The following FTCDNL1 variants were observed in gnomAD, a reference collection of about 807,000 sequenced individuals.
FTCDNL1 encodes formiminotransferase cyclodeaminase N-terminal like.
In FTCDNL1, 11 loss-of-function variants were observed where a neutral mutation model predicts 5.9. The ratio of observed to expected loss-of-function variants is 1.87; its 90% confidence interval spans 1.18 to 3.10. The LOEUF (loss-of-function observed/expected upper bound fraction) is 3.10. FTCDNL1 is among the 30% of genes most tolerant of loss of function. The probability of loss-of-function intolerance (pLI) is 0.00; values close to 1 mark genes in which losing one functional copy is unlikely to be tolerated. For missense variants in FTCDNL1, 115 were observed against 65.5 expected, an observed-to-expected ratio of 1.76 and a Z score of -2.61; for synonymous variants, 58 against 24.8, an observed-to-expected ratio of 2.34 and a Z score of -3.99.
At chr2:199,686,913 T>C in the FTCDNL1 span, among the ~76,000 whole-genome samples, 25 of 152,336 alleles carry the variant, frequency 1.6e-4, no homozygotes, top group African/African-American at 5.3e-4. Context: ...AAAAGTTTGG[T>C]AATTAGTATT....
At chr2:199,699,047 A>G in the FTCDNL1 span, among the ~76,000 whole-genome samples, 1 of 152,180 alleles carries the variant, frequency 6.6e-6, no homozygotes, top group African/African-American at 2.4e-5. Flanking sequence ...AAAACATACA[A>G]CTTTTCAAGA....
the FTCDNL1 span, among the ~76,000 whole-genome samples, chr2:199,676,205 G>C: frequency 6.6e-6 from 1 of 152,174 alleles, no homozygotes; most frequent in Non-Finnish European, 1.5e-5. Flanking sequence ...GAGGAAGAGA[G>C]AACAGATATT....
the FTCDNL1 span, among the ~76,000 whole-genome samples, chr2:199,714,680 G>T: frequency 1.3e-5 from 2 of 152,158 alleles, no homozygotes; most frequent in African/African-American, 4.8e-5. Flanking sequence ...GCACTGAGCA[G>T]CCAGCTGTGG....
At chr2:199,721,044 G>A in the FTCDNL1 span, among the ~76,000 whole-genome samples, 5 of 152,158 alleles carry the variant, frequency 3.3e-5, no homozygotes, top group African/African-American at 1.2e-4. Context: ...AAGAGAAAAG[G>A]AGAACAAACT....
the FTCDNL1 span, among the ~76,000 whole-genome samples, chr2:199,753,135 T>C: frequency 3.9e-5 from 6 of 152,252 alleles, no homozygotes; most frequent in Non-Finnish European, 5.9e-5. Flanking sequence ...TAAAGACACA[T>C]ATATAAAGGT....
the FTCDNL1 span, among the ~76,000 whole-genome samples, chr2:199,752,728 A>ATCTC: frequency 9.6e-5 from 14 of 146,340 alleles, no homozygotes; most frequent in African/African-American, 3.6e-4. Flanking sequence ...CATATATACT[A>ATCTC]TCTCTCTCTC....
At chr2:199,714,622 T>C in the FTCDNL1 span, among the ~76,000 whole-genome samples, 1 of 151,966 alleles carries the variant, frequency 6.6e-6, no homozygotes, top group Non-Finnish European at 1.5e-5. Flanking sequence ...TGTTCCCAAG[T>C]TGACAGTGAA....
At chr2:199,665,105 C>T in the FTCDNL1 span, among the ~76,000 whole-genome samples, 1 of 152,162 alleles carries the variant, frequency 6.6e-6, no homozygotes, top group Non-Finnish European at 1.5e-5. Flanking sequence ...CTTCCTTATC[C>T]TCTCCTTCCT....
the FTCDNL1 span, among the ~76,000 whole-genome samples, chr2:199,701,343 A>G: frequency 1.5e-5 from 1 of 66,670 alleles, no homozygotes; most frequent in African/African-American, 4.1e-5. Context: ...AAAAAAAAAA[A>G]AAAAAAAAAC....
the FTCDNL1 span, among the ~76,000 whole-genome samples, chr2:199,718,964 T>A: frequency 6.6e-6 from 1 of 152,148 alleles, no homozygotes; most frequent in African/African-American, 2.4e-5. Flanking sequence ...GTCAGATGCA[T>A]AGTTTGCAAA....
intron 3 of FTCDNL1, among the ~76,000 whole-genome samples, chr2:199,820,301 T>C (rs1319142314): frequency 1.3e-5 from 2 of 152,136 alleles, no homozygotes; most frequent in Non-Finnish European, 2.9e-5. Flanking sequence ...AAAGTTTTAA[T>C]TGACTAAAAT....
At position 199,781,508 on chromosome 2, in the gene FTCDNL1, C is replaced by A. The variant is rs181325940; in HGVS notation, c.212-20673G>T. Among the ~76,000 whole-genome samples the A allele has an allele frequency of 1.9e-4, 29 of 152,236 alleles. No homozygotes were observed. In the East Asian group the frequency reaches 5.2e-3, roughly 27 times the overall value. The stretch of plus-strand genomic sequence containing the variant: ...TCTCTTTCATCCAATCCAATTAGCA[C>A]AATGTCATAATAGATTGACACAATA... On this transcript the variant is annotated intron_variant, in intron 3 of 3. Coordinates refer to the FTCDNL1 transcript ENST00000416668.
intron 3 of FTCDNL1, among the ~76,000 whole-genome samples, chr2:199,774,054 T>G (rs1698942698): frequency 6.6e-6 from 1 of 152,220 alleles, no homozygotes; most frequent in South Asian, 2.1e-4. Context: ...TTTGCAATGT[T>G]TTGTAATACA....
chr2:199,674,617 G>A, the FTCDNL1 span, among the ~76,000 whole-genome samples: 1 of 152,142 alleles, frequency 6.6e-6, no homozygotes, highest in Admixed American at 6.6e-5. Flanking sequence ...AGATTCCTTA[G>A]CCCAGTATGC....
the FTCDNL1 span, among the ~76,000 whole-genome samples, chr2:199,742,038 C>A: frequency 6.6e-6 from 1 of 152,134 alleles, no homozygotes; most frequent in East Asian, 1.9e-4. Context: ...CCTCCGCCCT[C>A]ATATGCCCCA....
At chr2:199,837,998 G>C (rs1702873708) in intron 3 of FTCDNL1, among the ~76,000 whole-genome samples, 1 of 152,146 alleles carries the variant, frequency 6.6e-6, no homozygotes, top group African/African-American at 2.4e-5. Context: ...AAGGCATTGG[G>C]AGAATTTGCC....
intron 3 of FTCDNL1, among the ~76,000 whole-genome samples, chr2:199,830,173 T>C (rs1702277372): frequency 1.3e-5 from 2 of 152,164 alleles, no homozygotes; most frequent in African/African-American, 2.4e-5. Context: ...CTTACTTTCA[T>C]ATTTTTTAAT....
chr2:199,769,479 G>GA (rs560695983), intron 3 of FTCDNL1, among the ~76,000 whole-genome samples: 2 of 152,002 alleles, frequency 1.3e-5, no homozygotes, highest in African/African-American at 2.4e-5. Flanking sequence ...TGATTTTGAG[G>GA]CCCCCCCAGC....
At chr2:199,792,551 TG>T (rs1205887866) in intron 3 of FTCDNL1, among the ~76,000 whole-genome samples, 1 of 152,208 alleles carries the variant, frequency 6.6e-6, no homozygotes, top group Non-Finnish European at 1.5e-5. Context: ...CTTTCGTGCC[TG>T]ACTACATACA....
Sources: allele counts gnomAD v4.1 joint callset (sites outside exome capture counted in the v4.1 genomes callset), GRCh38; gene constraint gnomAD v4.1.1; transcripts MANE v1.5; gene names NCBI Gene and HGNC (gene_info 2026-07-23, HGNC 2026-07-21).